EPHA4: variants seen among roughly 807,000 people sequenced by gnomAD.
EPHA4 encodes EPH receptor A4.
In EPHA4, 19 loss-of-function variants were observed where a neutral mutation model predicts 108.3. That is an observed-to-expected ratio of 0.18 (90% CI 0.12 to 0.26). The LOEUF (loss-of-function observed/expected upper bound fraction) is 0.26. Among genes scored for constraint, EPHA4 ranks in the 10% least tolerant of loss-of-function variants. The probability of loss-of-function intolerance (pLI) is 1.00; values close to 1 mark genes in which losing one functional copy is unlikely to be tolerated. For missense variants in EPHA4, 917 were observed against 1,254.0 expected (o/e 0.73, Z 4.06); for synonymous variants, 449 against 455.5 (o/e 0.99, Z 0.18).
chr2:221,434,110 G>A (rs1559237882), intron 14 of EPHA4, 32 bp downstream of exon 14: 3 of 1,589,652 alleles, frequency 1.9e-6, no homozygotes, highest in Non-Finnish European at 2.6e-6. Flanking sequence ...ATCTCAATGT[G>A]AAAAAATATA....
At chr2:221,546,955 G>T (rs931787762) in intron 3 of EPHA4, among the ~76,000 whole-genome samples, 4 of 152,112 alleles carry the variant, frequency 2.6e-5, no homozygotes, top group Non-Finnish European at 5.9e-5. Context: ...AAAATAAAAG[G>T]GGGGGGACAA....
At chr2:221,435,142 C>G (rs961197013) in intron 13 of EPHA4, among the ~76,000 whole-genome samples, 2 of 152,034 alleles carry the variant, frequency 1.3e-5, no homozygotes, top group East Asian at 1.9e-4. Flanking sequence ...GGTAGGGCTA[C>G]GAAACAGGAC....
intron 5 of EPHA4, among the ~76,000 whole-genome samples, chr2:221,462,365 C>T (rs530848828): frequency 6.6e-6 from 1 of 151,538 alleles, no homozygotes. Context: ...GGTGCCTATC[C>T]CCGAGACCAT....
At chr2:221,516,352 AT>A (rs10606305) in intron 3 of EPHA4, among the ~76,000 whole-genome samples, 46,862 of 123,160 alleles carry the variant, frequency 0.38, 7,890 homozygotes, top group African/African-American at 0.57. Flanking sequence ...AGATTCAATG[AT>A]TTTTTTTTTT....
chr2:221,448,092 T>C (rs1310074868), intron 8 of EPHA4, among the ~76,000 whole-genome samples: 2 of 152,126 alleles, frequency 1.3e-5, no homozygotes, highest in African/African-American at 4.8e-5. Flanking sequence ...TCCGCCCACA[T>C]AGGCCTCCCA....
At chr2:221,455,517 G>A (rs762409330) in intron 8 of EPHA4, 30 bp downstream of exon 8, 27 of 1,523,416 alleles carry the variant, frequency 1.8e-5, no homozygotes, top group Non-Finnish European at 2.3e-5. Flanking sequence ...GAAGGTCGGG[G>A]GCTGCACAGT....
intron 3 of EPHA4, among the ~76,000 whole-genome samples, chr2:221,559,673 T>C (rs1420455459): frequency 1.3e-5 from 2 of 152,224 alleles, no homozygotes; most frequent in African/African-American, 2.4e-5. Context: ...ATTTCTTCAT[T>C]AGGGGTATGT....
intron 5 of EPHA4, among the ~76,000 whole-genome samples, chr2:221,469,136 G>T (rs193140032): frequency 7.9e-5 from 12 of 152,332 alleles, no homozygotes; most frequent in African/African-American, 2.6e-4. Context: ...TAATAGAAAA[G>T]AGTATGTGTT....
At chr2:221,453,844 AC>A (rs1690861040) in intron 8 of EPHA4, among the ~76,000 whole-genome samples, 1 of 152,188 alleles carries the variant, frequency 6.6e-6, no homozygotes, top group Non-Finnish European at 1.5e-5. Flanking sequence ...GTCCCTGTAT[AC>A]CAGGACACTT....
In EPHA4 at chr2:221,571,665, G is replaced by T. The variant is rs966382359; in HGVS notation, c.91+493C>A. 1.3e-5 allele frequency among the ~76,000 whole-genome samples: 2 copies of T among 152,162 alleles called. No individual in the cohort carries two copies. Among genetic ancestry groups the T allele is most frequent in the African/African-American group, 2.4e-5 (1 of 41,450 alleles). Reference sequence around the variant, plus strand: ...CCACGACCGCTGCGCTGCGGAGCAGGCCCCGCAGCCCGGTCCCGAGAAGCG... The same window carrying T: ...CCACGACCGCTGCGCTGCGGAGCAGTCCCCGCAGCCCGGTCCCGAGAAGCG... On this transcript the variant is annotated intron_variant, in intron 1 of 17. Coordinates refer to ENST00000281821, the MANE Select transcript of EPHA4 (RefSeq NM_004438.5). This position sits in a 1 kb window ranked among gnomAD's most constrained non-coding sequence, Gnocchi z 6.3.
intron 11 of EPHA4, among the ~76,000 whole-genome samples, chr2:221,439,145 G>C (rs1480869577): frequency 1.3e-5 from 2 of 152,130 alleles, no homozygotes; most frequent in Non-Finnish European, 2.9e-5. Flanking sequence ...TTATTTTCAA[G>C]TGAGGAAAGA....
chr2:221,468,442 A>G (rs1350596994), intron 5 of EPHA4, among the ~76,000 whole-genome samples: 2 of 152,198 alleles, frequency 1.3e-5, no homozygotes, highest in African/African-American at 2.4e-5. Context: ...AGCTTCAAGC[A>G]TTCCAAATCT....
intron 11 of EPHA4, among the ~76,000 whole-genome samples, chr2:221,437,862 G>T (rs77301698): frequency 1.3e-5 from 2 of 151,802 alleles, no homozygotes; most frequent in African/African-American, 4.8e-5. Flanking sequence ...GGCCAAGGTT[G>T]TAGTGAGCCG....
At chr2:221,475,420 G>GT (rs1691624778) in intron 5 of EPHA4, among the ~76,000 whole-genome samples, 1 of 152,130 alleles carries the variant, frequency 6.6e-6, no homozygotes, top group African/African-American at 2.4e-5. Flanking sequence ...CTTGAAGATT[G>GT]TTTCAAATGT....
At chr2:221,525,417 G>C (rs1187192891) in intron 3 of EPHA4, among the ~76,000 whole-genome samples, 1 of 152,144 alleles carries the variant, frequency 6.6e-6, no homozygotes, top group Non-Finnish European at 1.5e-5. Flanking sequence ...AAAAAGATGA[G>C]GGAAAGAGAG....
chr2:221,487,994 C>T (rs1477527208), intron 4 of EPHA4, among the ~76,000 whole-genome samples: 3 of 151,976 alleles, frequency 2.0e-5, no homozygotes, highest in African/African-American at 7.2e-5. Flanking sequence ...GCACAGGGGC[C>T]GGCATAATTT....
upstream of EPHA4, chr2:221,572,383 C>T (rs1694873656): frequency 5.4e-6 from 4 of 738,650 alleles, no homozygotes; most frequent in Non-Finnish European, 8.7e-6. Flanking sequence ...AGTCCGGGGC[C>T]CGCGGCCAAT....
chr2:221,499,464 GTCA>G (rs1692405031), intron 4 of EPHA4, among the ~76,000 whole-genome samples: 2 of 148,800 alleles, frequency 1.3e-5, no homozygotes, highest in African/African-American at 2.4e-5. Flanking sequence ...TTATAAAATT[GTCA>G]TCATCATCAT....
At chr2:221,445,851 G>A (rs746453003) in intron 9 of EPHA4, among the ~76,000 whole-genome samples, 1 of 151,878 alleles carries the variant, frequency 6.6e-6, no homozygotes, top group Non-Finnish European at 1.5e-5. Context: ...ACAACAATGA[G>A]CCAGCTAGAC....
Sources: gnomAD v4.1 joint callset for allele counts (sites outside exome capture counted in the v4.1 genomes callset) on GRCh38, gnomAD v4.1.1 for gene constraint, Gnocchi (gnomAD v3.1) non-coding constraint, MANE v1.5 for transcripts, NCBI Gene and HGNC (gene_info 2026-07-23, HGNC 2026-07-21) for gene names.